Variants in DOCK7 observed in about 807,000 individuals in gnomAD.
The protein encoded by DOCK7 is dedicator of cytokinesis protein 7.
DOCK7 carries 138 observed loss-of-function variants against 271.0 expected under a neutral mutation model. The observed-to-expected ratio is 0.51, with a 90% confidence interval of 0.44 to 0.59. The LOEUF (loss-of-function observed/expected upper bound fraction) is 0.59. DOCK7 is among the 20% of genes least tolerant of loss of function. The pLI is 0.00. For missense variants in DOCK7, 2,066 were observed against 2,592.4 expected, an observed-to-expected ratio of 0.80 and a Z score of 4.41; for synonymous variants, 823 against 876.1, an observed-to-expected ratio of 0.94 and a Z score of 1.07.
chr1:62,513,969 T>A, intron 31 of DOCK7, 71 bp from the exon 32 acceptor site: 2 of 1,401,004 alleles, frequency 1.4e-6, no homozygotes, highest in Non-Finnish European at 1.9e-6. Context: ...CTATCAACTG[T>A]TTTCTTCTAA....
At chr1:62,604,697 A>G (rs1469360581) in intron 14 of DOCK7, 1 of 1,613,240 alleles carries the variant, frequency 6.2e-7, no homozygotes, top group Non-Finnish European at 8.5e-7. Flanking sequence ...ACAAACCAAG[A>G]GCAAAATCTA....
intron 43 of DOCK7, among the ~76,000 whole-genome samples, chr1:62,479,930 C>G (rs899425019): frequency 6.6e-6 from 1 of 152,154 alleles, no homozygotes; most frequent in Non-Finnish European, 1.5e-5. Context: ...AGTGATCTAG[C>G]TGCCTCAGCC....
intron 47 of DOCK7, 111 bp downstream of exon 47, chr1:62,475,097 C>A: frequency 2.5e-6 from 3 of 1,207,822 alleles, no homozygotes; most frequent in South Asian, 2.0e-5. Flanking sequence ...AAAATACAGG[C>A]AGTAGAGAAG....
At chr1:62,455,799 A>T (rs189676365) in intron 49 of DOCK7, among the ~76,000 whole-genome samples, 4 of 152,288 alleles carry the variant, frequency 2.6e-5, no homozygotes, top group Non-Finnish European at 4.4e-5. Flanking sequence ...GGTGTTTATT[A>T]AATTTTAAGT....
chr1:62,614,627 A>G (rs1436886372), intron 14 of DOCK7, among the ~76,000 whole-genome samples: 1 of 152,026 alleles, frequency 6.6e-6, no homozygotes, highest in Non-Finnish European at 1.5e-5. Flanking sequence ...GCCAAAAACA[A>G]TAACAACTTC....
rs2149322748 is a variant in DOCK7, at chr1:62,505,718, T to C, written c.4575A>G (p.Gln1525=). Residue 1525 remains glutamine, a synonymous_variant, in exon 36 of 50, where the codon CAA becomes CAG. Transcript: ENST00000635253. ...AGGCTCTCTGTGTAGCAAAACAGTG[T>C]TGTAGATAAACTGCACTTTGGTTAC... ...MACNQSAVYL[Q]HCFATQRALV... is the part of the protein sequence containing the mutation. 2 of 1,613,446 alleles carry C rather than the reference T, an allele frequency of 1.2e-6. No individual in the cohort carries two copies. The highest frequency in any genetic ancestry group is 2.2e-5 in the East Asian group (1 of 44,804).
At chr1:62,483,743 T>A (rs1646209438) in intron 43 of DOCK7, 1 of 151,990 alleles carries the variant, frequency 6.6e-6, no homozygotes, top group Admixed American at 6.6e-5. Context: ...CCCCAGCAAT[T>A]TTTTTTGTTT....
At chr1:62,582,508 C>G (rs1647164025) in intron 16 of DOCK7, among the ~76,000 whole-genome samples, 1 of 134,546 alleles carries the variant, frequency 7.4e-6, no homozygotes, top group South Asian at 2.5e-4. Context: ...CGAGATCCCG[C>G]CACTGCACTC....
chr1:62,543,944 A>G (rs1355957349), intron 23 of DOCK7, among the ~76,000 whole-genome samples, 199 bp from the exon 24 acceptor site: 2 of 152,168 alleles, frequency 1.3e-5, no homozygotes, highest in East Asian at 3.8e-4. Flanking sequence ...TGGCTTCTAT[A>G]TATTTTTGGT....
At chr1:62,472,745 C>T (rs1188567159) in intron 48 of DOCK7, among the ~76,000 whole-genome samples, 1 of 152,182 alleles carries the variant, frequency 6.6e-6, no homozygotes, top group East Asian at 1.9e-4. Context: ...AAACAGGTTT[C>T]TTTCTATTAC....
At chr1:62,584,820 T>C in intron 15 of DOCK7, 1 of 730,538 alleles carries the variant, frequency 1.4e-6, no homozygotes, top group Non-Finnish European at 2.5e-6. Context: ...GAAGATGCTA[T>C]GGTAGCACCA....
intron 37 of DOCK7, among the ~76,000 whole-genome samples, chr1:62,500,128 G>C (rs1055991327): frequency 6.6e-6 from 1 of 152,054 alleles, no homozygotes; most frequent in Non-Finnish European, 1.5e-5. Flanking sequence ...AAAAGGTAAG[G>C]AAGAGCAGCA....
At chr1:62,591,551 ACT>A (rs1483733669) in intron 14 of DOCK7, among the ~76,000 whole-genome samples, 1 of 152,102 alleles carries the variant, frequency 6.6e-6, no homozygotes, top group Non-Finnish European at 1.5e-5. Context: ...GAAAAGAAAA[ACT>A]CAAAAAAATC....
chr1:62,463,511 A>G (rs1156528331), intron 48 of DOCK7, among the ~76,000 whole-genome samples: 2 of 152,228 alleles, frequency 1.3e-5, no homozygotes, highest in African/African-American at 2.4e-5. Flanking sequence ...AGGTAGACGG[A>G]TATTTGAGTA....
chr1:62,526,826 G>C (rs1308328210), intron 31 of DOCK7, among the ~76,000 whole-genome samples: 1 of 152,112 alleles, frequency 6.6e-6, no homozygotes, highest in Non-Finnish European at 1.5e-5. Flanking sequence ...AAACACAAAA[G>C]ATCATATAGT....
chr1:62,595,851 C>T (rs920633357), intron 14 of DOCK7, among the ~76,000 whole-genome samples: 2 of 152,048 alleles, frequency 1.3e-5, no homozygotes, highest in Non-Finnish European at 2.9e-5. Context: ...CTTGCTCGAG[C>T]CCAGGAGTTC....
At chr1:62,492,497 A>G (rs982739941) in intron 41 of DOCK7, 172 of 529,306 alleles carry the variant, frequency 3.2e-4, no homozygotes, top group Non-Finnish European at 2.0e-4. Flanking sequence ...TATGTTCCCC[A>G]TGCTGGTCTT....
Position 62,663,028 on chromosome 1 carries a change from G to C in DOCK7, c.141C>G (p.Thr47=). ...ATATTTTGAATACGTTACTTACTGT[G>C]GTGTGATGGGATATATTGCCAACAA... ...LNIVGNISHH[T]TVPLTEAVDP... is the part of the protein sequence containing the mutation. The change falls in exon 2 of 50, where the codon ACC becomes ACG. Residue 47 remains threonine (T), a synonymous_variant. Transcript: ENST00000635253. The C allele has an allele frequency of 6.2e-7, 1 of 1,607,828 alleles. No individual in the cohort carries two copies. The highest frequency in any genetic ancestry group is 8.5e-7 in the Non-Finnish European group (1 of 1,174,702).
At chr1:62,597,342 T>C (rs745307909) in intron 14 of DOCK7, 3 of 465,654 alleles carry the variant, frequency 6.4e-6, no homozygotes, top group Non-Finnish European at 1.1e-5. Flanking sequence ...TCAAATTACC[T>C]ATTAAGTTAG....
Sources: allele counts gnomAD v4.1 joint callset (sites outside exome capture counted in the v4.1 genomes callset), GRCh38; gene constraint gnomAD v4.1.1; transcripts MANE v1.5; gene names NCBI Gene and HGNC (gene_info 2026-07-23, HGNC 2026-07-21).